RGS17: variants seen among roughly 807,000 people sequenced by gnomAD.
The protein encoded by RGS17 is regulator of G-protein signaling 17.
RGS17 carries 12 observed loss-of-function variants against 25.5 expected under a neutral mutation model. The observed-to-expected ratio is 0.47, with a 90% CI of 0.30 to 0.76. The LOEUF (loss-of-function observed/expected upper bound fraction) is 0.76, where lower values mean the gene tolerates loss of function less well. Ranked by LOEUF, RGS17 falls within the 30% of genes least tolerant of loss-of-function variation. The pLI, the probability that RGS17 is intolerant of heterozygous loss-of-function variation, is 0.07. For synonymous variants in RGS17, 71 were observed against 76.9 expected (o/e 0.92, Z 0.40); for missense variants, 196 against 242.2 (o/e 0.81, Z 1.27).
At chr6:153,053,953 C>T (rs1251822954) in intron 1 of RGS17, among the ~76,000 whole-genome samples, 1 of 52,044 alleles carries the variant, frequency 1.9e-5, no homozygotes, top group African/African-American at 6.9e-5. Flanking sequence ...AATATATATA[C>T]ATATATATTA....
intron 1 of RGS17, among the ~76,000 whole-genome samples, chr6:153,088,353 ATAAC>A (rs1451981504): frequency 6.6e-6 from 1 of 152,194 alleles, no homozygotes; most frequent in Non-Finnish European, 1.5e-5. Flanking sequence ...ATAACAGTAA[ATAAC>A]TAATACAGAT....
At chr6:153,062,917 G>A (rs1776658202) in intron 1 of RGS17, among the ~76,000 whole-genome samples, 3 of 152,244 alleles carry the variant, frequency 2.0e-5, no homozygotes, top group Admixed American at 1.3e-4. Flanking sequence ...GCCTTGAAGG[G>A]AAGCACCCAG....
At chr6:153,112,090 G>A (rs921065483) in intron 1 of RGS17, among the ~76,000 whole-genome samples, 10 of 152,108 alleles carry the variant, frequency 6.6e-5, no homozygotes, top group East Asian at 1.9e-4. Flanking sequence ...TGAGTTTGAC[G>A]AATTGACAGA....
chr6:153,118,676 T>C (rs1427106522), intron 1 of RGS17, among the ~76,000 whole-genome samples: 2 of 152,218 alleles, frequency 1.3e-5, no homozygotes, highest in Non-Finnish European at 2.9e-5. Flanking sequence ...TGTGTGAAAG[T>C]GCTTTTATTT....
chr6:153,079,235 A>G (rs1776933796), intron 1 of RGS17, among the ~76,000 whole-genome samples: 1 of 152,050 alleles, frequency 6.6e-6, no homozygotes, highest in Non-Finnish European at 1.5e-5. Context: ...GTGACACCAC[A>G]TCTGGCTAAT....
chr6:153,112,778 T>C (rs992561021), intron 1 of RGS17, among the ~76,000 whole-genome samples: 5 of 152,156 alleles, frequency 3.3e-5, no homozygotes, highest in African/African-American at 1.2e-4. Context: ...TCAACATTCT[T>C]AAAGAAAGCA....
At chr6:153,029,073 T>A (rs1431234658) in intron 2 of RGS17, among the ~76,000 whole-genome samples, 1 of 152,168 alleles carries the variant, frequency 6.6e-6, no homozygotes, top group Non-Finnish European at 1.5e-5. Context: ...TTACGAAATA[T>A]TAGGTTGAGT....
chr6:153,066,701 T>A (rs1267140938), intron 1 of RGS17, among the ~76,000 whole-genome samples: 1 of 152,086 alleles, frequency 6.6e-6, no homozygotes, highest in Non-Finnish European at 1.5e-5. Flanking sequence ...TATATGCAAA[T>A]CGATCAATGT....
chr6:153,129,425 T>TAC (rs1186574002), intron 1 of RGS17, among the ~76,000 whole-genome samples: 4 of 152,242 alleles, frequency 2.6e-5, no homozygotes. Flanking sequence ...CGGAAACAAG[T>TAC]ACAATGTACT....
chr6:153,075,821 A>G (rs1776869377), intron 1 of RGS17, among the ~76,000 whole-genome samples: 1 of 152,238 alleles, frequency 6.6e-6, no homozygotes, highest in African/African-American at 2.4e-5. Flanking sequence ...ATAAAAAAGA[A>G]AAGTTTTTGT....
intron 2 of RGS17, among the ~76,000 whole-genome samples, chr6:153,038,764 C>T (rs1776284013): frequency 6.6e-6 from 1 of 152,102 alleles, no homozygotes; most frequent in Non-Finnish European, 1.5e-5. Flanking sequence ...CTTAGTATTT[C>T]CTTTGGCAGA....
rs915161824 is a variant in RGS17 at position 153,043,966 on chromosome 6, G to A, written c.53C>T (p.Ala18Val). Residue 18 changes from alanine (A) to valine (V), a missense_variant, in exon 2 of 5, where the codon GCT becomes GTT. By Grantham distance (64) the Ala-to-Val change is moderately conservative. This residue lies in a region of RGS17 where 17 missense variants were observed against 44.7 expected (regional missense o/e 0.38). Transcript: ENST00000206262. The stretch of plus-strand genomic sequence containing the variant: ...GTTGTTGGGCCTCTGGTTTCCAGGA[G>A]CTTGAGACACGGCAGGTGTTCCTTC... ...QNEGTPAVSQ[A>V]PGNQRPNNTC... is the part of the protein sequence containing the mutation. 3.1e-6 allele frequency: 5 copies of A among 1,612,986 alleles called. No individual in the cohort carries two copies. The highest frequency in any genetic ancestry group is 2.7e-5 in the African/African-American group (2 of 74,772).
intron 4 of RGS17, among the ~76,000 whole-genome samples, chr6:153,023,109 T>C: frequency 6.6e-6 from 1 of 152,212 alleles, no homozygotes; most frequent in Non-Finnish European, 1.5e-5. Context: ...ACTTAGGTAC[T>C]GTATATCTTA....
intron 3 of RGS17, among the ~76,000 whole-genome samples, chr6:153,024,792 C>T (rs1779282683): frequency 6.6e-6 from 1 of 152,120 alleles, no homozygotes; most frequent in African/African-American, 2.4e-5. Context: ...CCTAATGAAG[C>T]TTGGAAATGT....
chr6:153,104,136 G>A (rs1391584577), intron 1 of RGS17, among the ~76,000 whole-genome samples: 1 of 152,172 alleles, frequency 6.6e-6, no homozygotes, highest in African/African-American at 2.4e-5. Flanking sequence ...AGCTAATAAG[G>A]GGTAGAGACA....
intron 1 of RGS17, among the ~76,000 whole-genome samples, chr6:153,085,510 A>T (rs1457610599): frequency 6.6e-6 from 1 of 152,180 alleles, no homozygotes; most frequent in Non-Finnish European, 1.5e-5. Context: ...AGTCTGTAAA[A>T]TGTTTATTAC....
intron 1 of RGS17, among the ~76,000 whole-genome samples, chr6:153,100,265 T>G (rs983981158): frequency 3.9e-5 from 6 of 152,210 alleles, no homozygotes; most frequent in Non-Finnish European, 8.8e-5. Flanking sequence ...CATCATATAT[T>G]TTTTGTAAGA....
rs1179983272 is a variant in RGS17, at chr6:153,054,043, GTATATA to G, written c.-25-10006_-25-10001del. On this transcript the variant is annotated intron_variant, in intron 1 of 4. Transcript: ENST00000206262. ...GTATATAATATATATACATATATATGTATATATGTATATAATATATATACATATATA... is the reference window on the plus strand; with the variant it reads ...GTATATAATATATATACATATATATGTGTATATAATATATATACATATATA... Among the ~76,000 whole-genome samples, 9 of 41,758 alleles carry G rather than the reference GTATATA, an allele frequency of 2.2e-4. 1 individual carries two copies. The highest frequency in any genetic ancestry group is 4.1e-5 in the Non-Finnish European group (1 of 24,122). 27.4% of individuals were successfully genotyped at this position (41,758 alleles called of 152,430 possible).
Position 153,044,082 on chromosome 6 carries a change from C to T in RGS17, c.-25-39G>A, listed in dbSNP as rs143905134. On this transcript the variant is annotated intron_variant, in intron 1 of 4. Coordinates refer to ENST00000206262, the MANE Select transcript of RGS17 (RefSeq NM_012419.5). ...AACAAAAAATTGGGTATGAAAAAAG[C>T]AATAAGGATAAGTTGCGTATGCTGA... is the stretch of plus-strand genomic sequence containing the variant. 8.0e-5 allele frequency: 78 copies of T among 978,854 alleles called. 1 individual carries two copies. The East Asian group carries it at 1.9e-3, about 24-fold the overall frequency. 60.6% of individuals were successfully genotyped at this position (978,854 alleles called of 1,614,324 possible).
Sources: allele counts gnomAD v4.1 joint callset (sites outside exome capture counted in the v4.1 genomes callset), GRCh38; gene constraint gnomAD v4.1.1; regional missense constraint gnomAD v4.1.1; transcripts MANE v1.5; gene names NCBI Gene and HGNC (gene_info 2026-07-23, HGNC 2026-07-21).